The following CHCHD3 variants were observed in gnomAD, a reference collection of about 807,000 sequenced individuals.
The protein encoded by CHCHD3 is MICOS complex subunit MIC19.
A neutral mutation model predicts 38.2 loss-of-function variants in CHCHD3; 20 were observed. The observed-to-expected ratio is 0.52, with a 90% CI of 0.37 to 0.76. The LOEUF (loss-of-function observed/expected upper bound fraction) is 0.76. Among genes scored for constraint, CHCHD3 ranks in the 30% least tolerant of loss-of-function variants. The pLI, the probability that CHCHD3 is intolerant of heterozygous loss-of-function variation, is 0.00. For synonymous variants in CHCHD3, 82 were observed against 100.0 expected, an observed-to-expected ratio of 0.82 and a Z score of 1.07; for missense variants, 245 against 279.2, an observed-to-expected ratio of 0.88 and a Z score of 0.87.
chr7:132,894,156 C>T (rs533630648), intron 4 of CHCHD3, among the ~76,000 whole-genome samples: 20 of 152,116 alleles, frequency 1.3e-4, no homozygotes, highest in Admixed American at 4.6e-4. Flanking sequence ...TATATCATAG[C>T]GCTTAACAAA....
chr7:132,972,924 T>C (rs1168793989), intron 4 of CHCHD3: 5 of 985,278 alleles, frequency 5.1e-6, no homozygotes, highest in Non-Finnish European at 4.8e-6. Context: ...AGACAGACAA[T>C]AGACAAGATT....
chr7:132,956,172 C>T (rs190462767), intron 4 of CHCHD3, among the ~76,000 whole-genome samples: 40 of 152,304 alleles, frequency 2.6e-4, no homozygotes, highest in Non-Finnish European at 4.4e-4. Context: ...TTAAGGCTTC[C>T]CTGAATCTGA....
At chr7:132,870,351 CAAAAAAAAAAAA>C (rs58488494) in intron 5 of CHCHD3, among the ~76,000 whole-genome samples, 1 of 99,390 alleles carries the variant, frequency 1.0e-5, no homozygotes, top group Non-Finnish European at 2.0e-5. Flanking sequence ...CCTATCTCAC[CAAAAAAAAAAAA>C]AAAAAAAGAT....
chr7:133,043,833 A>G (rs976778348), intron 2 of CHCHD3, among the ~76,000 whole-genome samples: 4 of 152,200 alleles, frequency 2.6e-5, no homozygotes, highest in Non-Finnish European at 5.9e-5. Context: ...TTTTATTCCT[A>G]ATAAATGAAG....
intron 4 of CHCHD3, among the ~76,000 whole-genome samples, chr7:132,918,156 T>A (rs769943746): frequency 3.3e-5 from 5 of 152,228 alleles, no homozygotes; most frequent in Non-Finnish European, 7.3e-5. Flanking sequence ...AGATCTCACC[T>A]ACCACTGTAT....
intron 3 of CHCHD3, among the ~76,000 whole-genome samples, chr7:133,023,144 A>G (rs1490902099): frequency 6.6e-6 from 1 of 152,110 alleles, no homozygotes; most frequent in Non-Finnish European, 1.5e-5. Context: ...CTATCAACCT[A>G]ACCCAATTAA....
At chr7:133,024,449 C>T (rs116282669) in intron 3 of CHCHD3, 97 bp downstream of exon 3, 22 of 951,948 alleles carry the variant, frequency 2.3e-5, no homozygotes, top group Non-Finnish European at 3.7e-5. Context: ...TTCAGTCATA[C>T]ACAAATAATG....
intron 6 of CHCHD3, among the ~76,000 whole-genome samples, chr7:132,822,797 C>T (rs1585546275): frequency 6.6e-6 from 1 of 151,734 alleles, no homozygotes. Flanking sequence ...TCTGCACTAT[C>T]CGCCCCCACC....
intron 2 of CHCHD3, among the ~76,000 whole-genome samples, chr7:133,045,098 G>A (rs564716741): frequency 6.6e-6 from 1 of 152,290 alleles, no homozygotes; most frequent in East Asian, 1.9e-4. Flanking sequence ...AGACAGAGGG[G>A]CTTAACAGTT....
At chr7:133,050,606 T>A (rs1178198549) in intron 2 of CHCHD3, among the ~76,000 whole-genome samples, 1 of 152,160 alleles carries the variant, frequency 6.6e-6, no homozygotes, top group African/African-American at 2.4e-5. Context: ...TTCCTTTTTA[T>A]TTATGAACAT....
chr7:132,833,937 T>G (rs1010471090), intron 6 of CHCHD3, among the ~76,000 whole-genome samples: 4 of 152,160 alleles, frequency 2.6e-5, no homozygotes, highest in Non-Finnish European at 4.4e-5. Context: ...GTAACCAAGA[T>G]GCACATAAAT....
At chr7:133,052,883 CT>C (rs1208777580) in intron 2 of CHCHD3, among the ~76,000 whole-genome samples, 4 of 152,196 alleles carry the variant, frequency 2.6e-5, no homozygotes, top group African/African-American at 9.7e-5. Flanking sequence ...AAGTAAAATG[CT>C]ATTTGGGTTT....
intron 4 of CHCHD3, among the ~76,000 whole-genome samples, chr7:132,954,009 G>A (rs965974611): frequency 6.6e-6 from 1 of 152,156 alleles, no homozygotes; most frequent in Non-Finnish European, 1.5e-5. Flanking sequence ...AATCAGGAAG[G>A]CTTCTTGAAG....
chr7:133,063,544 A>C (rs1342048186), intron 2 of CHCHD3, among the ~76,000 whole-genome samples: 1 of 152,214 alleles, frequency 6.6e-6, no homozygotes, highest in Non-Finnish European at 1.5e-5. Context: ...AATTACGGAC[A>C]AACAAAAATG....
chr7:132,869,035 G>A (rs888966022), intron 5 of CHCHD3, among the ~76,000 whole-genome samples: 13 of 152,024 alleles, frequency 8.6e-5, no homozygotes, highest in African/African-American at 3.1e-4. Context: ...AATGCATCAC[G>A]AAAAAGCAAA....
intron 3 of CHCHD3, among the ~76,000 whole-genome samples, chr7:132,987,849 G>A (rs1812162774): frequency 6.6e-6 from 1 of 152,042 alleles, no homozygotes; most frequent in South Asian, 2.1e-4. Flanking sequence ...TACCACCAGA[G>A]ACAGCAAGAC....
At chr7:132,888,151 A>G (rs1314772511) in intron 4 of CHCHD3, among the ~76,000 whole-genome samples, 1 of 151,936 alleles carries the variant, frequency 6.6e-6, no homozygotes, top group African/African-American at 2.4e-5. Flanking sequence ...GAAGAGAAAA[A>G]ACAAAAATAA....
intron 4 of CHCHD3, among the ~76,000 whole-genome samples, chr7:132,904,609 G>A (rs991162514): frequency 3.3e-5 from 5 of 152,184 alleles, no homozygotes; most frequent in Admixed American, 2.6e-4. Flanking sequence ...TGGAGAGGAT[G>A]TGGAGAAATA....
intron 6 of CHCHD3, among the ~76,000 whole-genome samples, chr7:132,834,460 T>G (rs774963743): frequency 2.0e-4 from 31 of 152,184 alleles, no homozygotes; most frequent in Non-Finnish European, 3.5e-4. Context: ...GCAATGGAGT[T>G]AGTCAAAACG....
Sources: allele counts gnomAD v4.1 joint callset (sites outside exome capture counted in the v4.1 genomes callset), GRCh38; gene constraint gnomAD v4.1.1; transcripts MANE v1.5; gene names NCBI Gene and HGNC (gene_info 2026-07-23, HGNC 2026-07-21).